Variants in ERBIN observed in about 807,000 individuals in gnomAD.
ERBIN encodes densin-180-like protein.
Under a neutral mutation model 158.4 loss-of-function variants are expected in ERBIN, and 60 were observed. That is an observed-to-expected ratio of 0.38 (90% confidence interval 0.31 to 0.47). The LOEUF (loss-of-function observed/expected upper bound fraction) is 0.47. Among genes scored for constraint, ERBIN ranks in the 20% least tolerant of loss-of-function variants. ERBIN has a pLI of 0.99. For synonymous variants in ERBIN, 594 were observed against 557.2 expected (o/e 1.07, Z -0.93); for missense variants, 1,610 against 1,648.0 (o/e 0.98, Z 0.40).
rs11283002 is a variant in ERBIN at position 65,977,987 on chromosome 5, G to GAGGGAGAGGGAA, written c.-57-10648_-57-10647insAGGGAGAGGGAA. Among the ~76,000 whole-genome samples, 9 of 152,192 alleles carry GAGGGAGAGGGAA rather than the reference G, an allele frequency of 5.9e-5. No homozygotes were observed. In the South Asian group the frequency reaches 1.2e-3, roughly 21 times the overall value. On this transcript the variant is annotated intron_variant, in intron 1 of 25. Transcript: ENST00000284037. ...AGAGGGAGAGGGAGAGGGAGAGGGA[G>GAGGGAGAGGGAA]CGAGAAAGCTATTTCTAGGTTGGAA...
intron 9 of ERBIN, 56 bp from the exon 10 acceptor site, chr5:66,024,250 T>C: frequency 8.1e-7 from 1 of 1,229,598 alleles, no homozygotes; most frequent in Non-Finnish European, 1.1e-6. Flanking sequence ...TTCCCTAAAC[T>C]TTTTACAAAT....
At chr5:66,024,242 C>T in intron 9 of ERBIN, 64 bp from the exon 10 acceptor site, 1 of 1,112,712 alleles carries the variant, frequency 9.0e-7, no homozygotes. Context: ...CAAGTTTATT[C>T]CCTAAACTTT....
At chr5:66,066,149 T>A (rs1042375394) in intron 21 of ERBIN, among the ~76,000 whole-genome samples, 4 of 152,174 alleles carry the variant, frequency 2.6e-5, no homozygotes, top group African/African-American at 9.7e-5. Flanking sequence ...TGATGCTTAT[T>A]CATTAGATGG....
At position 66,043,089 on chromosome 5, in the gene ERBIN, C is replaced by A; in HGVS notation, c.1319C>A (p.Ser440Ter). ...QPRTEDVMFI[S>*]DNESFNPSLW... is the part of the protein sequence containing the mutation. ...TACTTTTCTCTAGTTATGTTTATATCAGATAATGAAAGTTTTAACCCTTCA... is the reference window on the plus strand; with the variant it reads ...TACTTTTCTCTAGTTATGTTTATATAAGATAATGAAAGTTTTAACCCTTCA... Residue 440 changes from serine to a stop codon, truncating the protein, a stop_gained, in exon 16 of 26, where the codon TCA (serine) becomes TAA (stop). Coordinates refer to ENST00000284037, the MANE Select transcript of ERBIN (RefSeq NM_001253697.2). LOFTEE classifies it high-confidence loss of function. The A allele has an allele frequency of 6.3e-7, 1 of 1,599,866 alleles. No homozygotes were observed. Among genetic ancestry groups the A allele is most frequent in the South Asian group, 1.1e-5 (1 of 90,474 alleles).
intron 1 of ERBIN, among the ~76,000 whole-genome samples, chr5:65,957,717 A>G (rs978492517): frequency 5.3e-5 from 8 of 152,358 alleles, no homozygotes; most frequent in Non-Finnish European, 8.8e-5. Context: ...CCCGTTCTCA[A>G]TGAGCTGTTG....
At chr5:66,027,860 C>T (rs1000584902) in intron 13 of ERBIN, among the ~76,000 whole-genome samples, 7 of 151,948 alleles carry the variant, frequency 4.6e-5, no homozygotes, top group Admixed American at 6.6e-5. Flanking sequence ...AAATAGAGAG[C>T]AGTGCAGTTT....
chr5:66,061,615 G>A (rs1050737055), intron 21 of ERBIN, among the ~76,000 whole-genome samples: 4 of 152,304 alleles, frequency 2.6e-5, no homozygotes, highest in East Asian at 1.9e-4. Context: ...TTGCTCATTA[G>A]TTGATGCAGT....
rs760228126 is a variant in ERBIN, at chr5:66,053,462, C to T, written c.2144C>T (p.Ser715Leu). 6.3e-7 allele frequency: 1 copy of T among 1,591,908 alleles called. No individual in the cohort carries two copies. The highest frequency in any genetic ancestry group is 1.1e-5 in the South Asian group (1 of 87,190). Residue 715 changes from serine to leucine, a missense_variant, in exon 21 of 26, where the codon TCA (serine) becomes TTA (leucine). Transcript: ENST00000284037. Reference sequence around the variant, plus strand: ...CAAAATGGAGATATTTTAAACAGTTCAACAGAGGAAAAGTTCAAAGCTCAT... The same window carrying T: ...CAAAATGGAGATATTTTAAACAGTTTAACAGAGGAAAAGTTCAAAGCTCAT... ...LLQNGDILNS[S>L]TEEKFKAHDK... is the part of the protein sequence containing the mutation.
chr5:65,937,167 A>C (rs1744189949), intron 1 of ERBIN, among the ~76,000 whole-genome samples: 1 of 152,178 alleles, frequency 6.6e-6, no homozygotes, highest in Non-Finnish European at 1.5e-5. Flanking sequence ...GCTTATCCTT[A>C]TGCATTGGCT....
intron 4 of ERBIN, among the ~76,000 whole-genome samples, chr5:66,005,508 G>A (rs1753486960): frequency 6.6e-6 from 1 of 152,130 alleles, no homozygotes; most frequent in South Asian, 2.1e-4. Flanking sequence ...TTCGCCAAGG[G>A]CATGATTGTC....
At chr5:66,017,002 C>T (rs999944104) in intron 7 of ERBIN, among the ~76,000 whole-genome samples, 1 of 152,014 alleles carries the variant, frequency 6.6e-6, no homozygotes, top group Non-Finnish European at 1.5e-5. Flanking sequence ...ATGTAATGAC[C>T]TCCTGATCAA....
chr5:65,962,410 A>G (rs1247993582), intron 1 of ERBIN, among the ~76,000 whole-genome samples: 1 of 152,176 alleles, frequency 6.6e-6, no homozygotes, highest in Non-Finnish European at 1.5e-5. Flanking sequence ...TGTGTGTGTA[A>G]TTTGGGTGTG....
chr5:66,080,553 A>G lies in ERBIN; in HGVS notation c.*2023A>G, dbSNP rs1206664096. 6.6e-6 allele frequency: 1 copy of G among 151,690 alleles called. No homozygotes were observed. The highest frequency in any genetic ancestry group is 1.5e-5 in the Non-Finnish European group (1 of 67,836). 9.4% of individuals were successfully genotyped at this position (151,690 alleles called of 1,614,324 possible). ...CCCTTTATTCTTAGTTTGTTTTTAA[A>G]TATTAATTTTGGCATTCTAAAATAG... is the stretch of plus-strand genomic sequence containing the variant. On this transcript the variant is annotated 3_prime_UTR_variant, in exon 26 of 26. Coordinates refer to ENST00000284037, the MANE Select transcript of ERBIN (RefSeq NM_001253697.2).
intron 1 of ERBIN, among the ~76,000 whole-genome samples, chr5:65,957,737 C>CT (rs1250800144): frequency 6.6e-6 from 1 of 152,274 alleles, no homozygotes; most frequent in Non-Finnish European, 1.5e-5. Context: ...GGGTACACCT[C>CT]TAAGATGGGG....
intron 10 of ERBIN, 169 bp from the exon 11 acceptor site, chr5:66,025,311 C>T: frequency 1.6e-6 from 1 of 631,750 alleles, no homozygotes; most frequent in Non-Finnish European, 2.8e-6. Context: ...ATTGAAAGGA[C>T]AGGATGAGGG....
At chr5:65,972,121 A>G (rs908903860) in intron 1 of ERBIN, among the ~76,000 whole-genome samples, 25 of 152,136 alleles carry the variant, frequency 1.6e-4, no homozygotes, top group Middle Eastern at 3.4e-3. Flanking sequence ...GGGGTCTGCT[A>G]TGTCATTTTT....
At position 66,054,649 on chromosome 5, in the gene ERBIN, C is replaced by T. The variant is rs1702727948; in HGVS notation, c.3331C>T (p.His1111Tyr). The T allele has an allele frequency of 6.2e-7, 1 of 1,614,078 alleles. No individual in the cohort carries two copies. The highest frequency in any genetic ancestry group is 1.3e-5 in the African/African-American group (1 of 74,998). Residue 1111 changes from histidine to tyrosine, a missense_variant, in exon 21 of 26, where the codon CAC becomes TAC. Transcript: ENST00000284037. Reference protein sequence around the residue: ...EGDYLSYREFHSAGRTPPMMP... With the variant: ...EGDYLSYREFYSAGRTPPMMP... ...AGATTATTTATCATACAGAGAGTTCCACTCAGCGGGAAGAACTCCTCCAAT... is the reference window on the plus strand; with the variant it reads ...AGATTATTTATCATACAGAGAGTTCTACTCAGCGGGAAGAACTCCTCCAAT...
chr5:65,994,259 CCTT>C lies in ERBIN; in HGVS notation c.190-485_190-483del, dbSNP rs1163878887. Among the ~76,000 whole-genome samples, 6 of 152,260 alleles carry C rather than the reference CCTT, an allele frequency of 3.9e-5. No individual in the cohort carries two copies. In the South Asian group the frequency reaches 1.0e-3, roughly 26 times the overall value. ...GAATATAGAGGACCAAAATTTGTCT[CCTT>C]CTCTAATCACCACCAGTAGAGTCTT... On this transcript the variant is annotated intron_variant, in intron 3 of 25. Transcript: ENST00000284037.
rs776011238 is a variant in ERBIN, at chr5:66,013,689, T to C, written c.476+51T>C. The C allele has an allele frequency of 4.2e-6, 5 of 1,197,980 alleles. No individual in the cohort carries two copies. In the South Asian group the frequency reaches 4.9e-5, roughly 12 times the overall value. The allele number at this position is 1,197,980 out of a possible 1,614,324, so 74.2% of individuals were successfully genotyped here. On this transcript the variant is annotated intron_variant, in intron 6 of 25. Coordinates refer to ENST00000284037, the MANE Select transcript of ERBIN (RefSeq NM_001253697.2). ...TTTTATTATTAGCTCTTATAAAGTT[T>C]ACAAAACTATAAGCTGCTTTGGTAG...
Sources: gnomAD v4.1 joint callset for allele counts (sites outside exome capture counted in the v4.1 genomes callset) on GRCh38, gnomAD v4.1.1 for gene constraint, MANE v1.5 for transcripts, NCBI Gene and HGNC (gene_info 2026-07-23, HGNC 2026-07-21) for gene names.